The following CNTN6 variants were observed in gnomAD, a reference collection of about 807,000 sequenced individuals.
CNTN6 encodes contactin 6.
In CNTN6, 137 loss-of-function variants were observed where a neutral mutation model predicts 122.8. The observed-to-expected ratio is 1.12, with a 90% CI of 0.97 to 1.29. CNTN6 has a LOEUF of 1.29. Among genes scored for constraint, CNTN6 ranks in the 50% most tolerant of loss-of-function variants. The pLI, the probability that CNTN6 is intolerant of heterozygous loss-of-function variation, is 0.00. For missense variants in CNTN6, 1,634 were observed against 1,223.4 expected, an observed-to-expected ratio of 1.34 and a Z score of -5.01; for synonymous variants, 570 against 426.0, an observed-to-expected ratio of 1.34 and a Z score of -4.16.
chr3:1,316,270 A>C (rs2125944883), intron 7 of CNTN6, among the ~76,000 whole-genome samples: 1 of 152,064 alleles, frequency 6.6e-6, no homozygotes, highest in South Asian at 2.1e-4. Context: ...AAAGAGGTTT[A>C]ATTGGCTCAC....
intron 17 of CNTN6, among the ~76,000 whole-genome samples, chr3:1,381,180 G>A (rs1399153483): frequency 6.6e-6 from 1 of 152,126 alleles, no homozygotes; most frequent in Non-Finnish European, 1.5e-5. Flanking sequence ...GATTAAATCC[G>A]AGATGAAAGA....
rs775534816 is a variant in CNTN6 at position 1,101,433 on chromosome 3, G to T, written c.-83+8313G>T. Among the ~76,000 whole-genome samples the T allele has an allele frequency of 3.3e-5, 5 of 152,284 alleles. No homozygotes were observed. In the South Asian group the frequency reaches 1.0e-3, roughly 32 times the overall value. On this transcript the variant is annotated intron_variant, in intron 1 of 22. Coordinates refer to ENST00000446702, the MANE Select transcript of CNTN6 (RefSeq NM_001289080.2). Reference sequence around the variant, plus strand: ...ATTTACATGTGTTTGTAGTGGAAAAGAAATCCCTCTTCACGTTGCATGGTG... The same window carrying T: ...ATTTACATGTGTTTGTAGTGGAAAATAAATCCCTCTTCACGTTGCATGGTG...
Position 1,403,813 on chromosome 3 carries a change from C to A in CNTN6, c.*395C>A, listed in dbSNP as rs1294997330. 1 of 153,330 alleles carries A rather than the reference C, an allele frequency of 6.5e-6. No individual in the cohort carries two copies. Among genetic ancestry groups the A allele is most frequent in the African/African-American group, 2.4e-5 (1 of 41,452 alleles). 9.5% of individuals were successfully genotyped at this position (153,330 alleles called of 1,614,324 possible). On this transcript the variant is annotated 3_prime_UTR_variant, in exon 23 of 23. Coordinates refer to ENST00000446702, the MANE Select transcript of CNTN6 (RefSeq NM_001289080.2). ...ACAATCACTTCAGTATTTAAAATTT[C>A]CACCCTACTTCAAAATAAAATACAA... is the stretch of plus-strand genomic sequence containing the variant.
chr3:1,180,240 A>T (rs2093529741), intron 2 of CNTN6, among the ~76,000 whole-genome samples: 1 of 152,242 alleles, frequency 6.6e-6, no homozygotes, highest in Non-Finnish European at 1.5e-5. Context: ...TGAGAGAAAG[A>T]TACATAAAGA....
intron 2 of CNTN6, among the ~76,000 whole-genome samples, chr3:1,172,658 G>A (rs1442932266): frequency 2.1e-5 from 3 of 140,080 alleles, no homozygotes; most frequent in African/African-American, 8.1e-5. Context: ...GTGTGTGTGT[G>A]TATCACAACT....
intron 1 of CNTN6, among the ~76,000 whole-genome samples, chr3:1,131,123 G>C (rs2092324909): frequency 6.6e-6 from 1 of 152,128 alleles, no homozygotes; most frequent in African/African-American, 2.4e-5. Flanking sequence ...TGTGATAAAA[G>C]TTCCTGACAC....
chr3:1,236,181 C>G (rs560203115), intron 4 of CNTN6, among the ~76,000 whole-genome samples: 3 of 151,890 alleles, frequency 2.0e-5, no homozygotes, highest in East Asian at 3.9e-4. Flanking sequence ...CTCTATCGCC[C>G]TGCCCACCAC....
chr3:1,247,323 G>C (rs983811520), intron 4 of CNTN6, among the ~76,000 whole-genome samples: 1 of 151,856 alleles, frequency 6.6e-6, no homozygotes, highest in Admixed American at 6.6e-5. Context: ...CTGCATGCCT[G>C]CTTGAGCCTG....
chr3:1,158,776 A>ATG (rs59256552), intron 2 of CNTN6, among the ~76,000 whole-genome samples: 27,965 of 113,250 alleles, frequency 0.25, 3,920 homozygotes, highest in East Asian at 0.56. Flanking sequence ...ACACATATAT[A>ATG]TGTGTGTATA....
chr3:1,383,223 T>G, intron 18 of CNTN6, 47 bp downstream of exon 18: 1 of 1,591,610 alleles, frequency 6.3e-7, no homozygotes. Context: ...TATGCATAGT[T>G]TGTGTTCCCT....
At position 1,372,901 on chromosome 3, in the gene CNTN6, A is replaced by C; in HGVS notation, c.1732A>C (p.Thr578Pro). The C allele has an allele frequency of 6.2e-7, 1 of 1,610,320 alleles. No homozygotes were observed. The highest frequency in any genetic ancestry group is 8.5e-7 in the Non-Finnish European group (1 of 1,177,624). Residue 578 changes from threonine to proline, a missense_variant, in exon 14 of 23, where the codon ACA (threonine) becomes CCA (proline). Coordinates refer to ENST00000446702, the MANE Select transcript of CNTN6 (RefSeq NM_001289080.2). ...QLHHSGKYLCTVQTTLESLSA... is the reference protein window; with the variant it reads ...QLHHSGKYLCPVQTTLESLSA... ...ACATCATTCAGGAAAATATCTCTGC[A>C]CAGTACAAACAACCCTAGAAAGTTT... is the stretch of plus-strand genomic sequence containing the variant.
At chr3:1,166,232 G>A (rs1303550459) in intron 2 of CNTN6, among the ~76,000 whole-genome samples, 1 of 152,152 alleles carries the variant, frequency 6.6e-6, no homozygotes. Flanking sequence ...TGAATGTGGA[G>A]GGGCTCTGAG....
At position 1,242,556 on chromosome 3, in the gene CNTN6, G is replaced by A. The variant is rs140490305; in HGVS notation, c.358+14563G>A. On this transcript the variant is annotated intron_variant, in intron 4 of 22. Transcript: ENST00000446702. ...GCGTGCTGTGGGATGGGATATGGGC[G>A]TTGAGCGGGGTAAGGGTGATTAGAT... Among the ~76,000 whole-genome samples, 1,402 of 152,292 alleles carry A rather than the reference G, an allele frequency of 9.2e-3. 13 individuals carry two copies. The highest frequency in any genetic ancestry group is 0.014 in the Non-Finnish European group (986 of 68,022).
In CNTN6 at chr3:1,278,464, G is replaced by T; in HGVS notation, c.410G>T (p.Gly137Val). The T allele has an allele frequency of 6.2e-7, 1 of 1,612,706 alleles. No individual in the cohort carries two copies. Among genetic ancestry groups the T allele is most frequent in the East Asian group, 2.2e-5 (1 of 44,834 alleles). ...AGAAGCACAGTATCTGTCCGAGAAG[G>T]TCAAGGTGTGGTGCTTCTCTGTGGC... ...KTRSTVSVRE[G>V]QGVVLLCGPP... The change falls in exon 5 of 23, where the codon GGT (glycine) becomes GTT (valine). Residue 137 changes from glycine to valine, a missense_variant. Transcript: ENST00000446702.
chr3:1,396,575 A>G (rs1560037522), intron 20 of CNTN6, among the ~76,000 whole-genome samples: 1 of 152,220 alleles, frequency 6.6e-6, no homozygotes, highest in Non-Finnish European at 1.5e-5. Flanking sequence ...ACCAAAGGAT[A>G]TAATGTACAC....
At chr3:1,122,890 C>A (rs2092016036) in intron 1 of CNTN6, among the ~76,000 whole-genome samples, 1 of 151,810 alleles carries the variant, frequency 6.6e-6, no homozygotes, top group African/African-American at 2.4e-5. Flanking sequence ...GAATGTGCTA[C>A]TATAAGCATG....
At chr3:1,120,221 C>T (rs1380247781) in intron 1 of CNTN6, among the ~76,000 whole-genome samples, 1 of 151,690 alleles carries the variant, frequency 6.6e-6, no homozygotes, top group Non-Finnish European at 1.5e-5. Context: ...TTTCATTTGT[C>T]TTACATTCTA....
chr3:1,099,189 C>A (rs951431679), intron 1 of CNTN6, among the ~76,000 whole-genome samples: 1 of 152,260 alleles, frequency 6.6e-6, no homozygotes, highest in Admixed American at 6.5e-5. Context: ...CAGTGGCTCA[C>A]GCCTGTAATC....
At chr3:1,174,845 T>C (rs1000212467) in intron 2 of CNTN6, among the ~76,000 whole-genome samples, 5 of 152,160 alleles carry the variant, frequency 3.3e-5, no homozygotes, top group African/African-American at 1.2e-4. Context: ...AAAAAGTTTA[T>C]AGTCCGGAAA....
Sources: gnomAD v4.1 joint callset for allele counts (sites outside exome capture counted in the v4.1 genomes callset) on GRCh38, gnomAD v4.1.1 for gene constraint, MANE v1.5 for transcripts, NCBI Gene and HGNC (gene_info 2026-07-23, HGNC 2026-07-21) for gene names.